The following PABPC4L variants were observed in gnomAD, a reference collection of about 807,000 sequenced individuals.
The protein encoded by PABPC4L is poly(A) binding protein cytoplasmic 4 like, also known as polyadenylate-binding protein 4-like.
For missense variants in PABPC4L, 452 were observed against 451.4 expected, an observed-to-expected ratio of 1.00 and a Z score of -0.01; for synonymous variants, 169 against 164.1, an observed-to-expected ratio of 1.03 and a Z score of -0.23.
chr4:134,053,945 C>T, the PABPC4L span, among the ~76,000 whole-genome samples: 24 of 151,708 alleles, frequency 1.6e-4, no homozygotes, highest in Non-Finnish European at 2.5e-4. Flanking sequence ...ATGATATCCA[C>T]ACAAAGAACC....
At chr4:134,076,249 G>C in the PABPC4L span, among the ~76,000 whole-genome samples, 4 of 152,138 alleles carry the variant, frequency 2.6e-5, no homozygotes, top group African/African-American at 7.2e-5. Context: ...CTGATGACTG[G>C]AGTTGCAACA....
At chr4:134,139,106 C>T in the PABPC4L span, among the ~76,000 whole-genome samples, 1 of 151,934 alleles carries the variant, frequency 6.6e-6, no homozygotes, top group African/African-American at 2.4e-5. Context: ...CAAATACACT[C>T]TTCTTAGAAT....
At chr4:134,152,210 CT>C in the PABPC4L span, among the ~76,000 whole-genome samples, 1 of 151,746 alleles carries the variant, frequency 6.6e-6, no homozygotes, top group African/African-American at 2.4e-5. Flanking sequence ...GTTGTTTAAG[CT>C]TTTAGCTTCT....
the PABPC4L span, among the ~76,000 whole-genome samples, chr4:133,956,996 G>A: frequency 6.6e-6 from 1 of 152,086 alleles, no homozygotes; most frequent in African/African-American, 2.4e-5. Flanking sequence ...ATTTGGGTGG[G>A]GACACAATCA....
chr4:134,074,510 A>G, the PABPC4L span, among the ~76,000 whole-genome samples: 1 of 152,100 alleles, frequency 6.6e-6, no homozygotes, highest in South Asian at 2.1e-4. Flanking sequence ...TGAGCCCCCA[A>G]AACTGTCCTA....
chr4:133,992,507 G>C, the PABPC4L span, among the ~76,000 whole-genome samples: 1 of 152,116 alleles, frequency 6.6e-6, no homozygotes, highest in South Asian at 2.1e-4. Context: ...GTGATATGTA[G>C]TTTTACCTGG....
chr4:133,983,502 G>T, the PABPC4L span, among the ~76,000 whole-genome samples: 1 of 151,534 alleles, frequency 6.6e-6, no homozygotes, highest in Non-Finnish European at 1.5e-5. Flanking sequence ...AAACAAGAAA[G>T]AAATAATAAC....
the PABPC4L span, among the ~76,000 whole-genome samples, chr4:134,019,088 T>G: frequency 6.6e-6 from 1 of 152,120 alleles, no homozygotes; most frequent in Admixed American, 6.6e-5. Context: ...ATCCTTCCAT[T>G]GAAACAACAT....
At chr4:134,070,501 A>G in the PABPC4L span, among the ~76,000 whole-genome samples, 3 of 152,140 alleles carry the variant, frequency 2.0e-5, no homozygotes, top group East Asian at 3.9e-4. Context: ...TTGTCAGTGC[A>G]ACAGCAATGG....
At position 134,198,847 on chromosome 4, in the gene PABPC4L, A is replaced by C. The variant is rs1254316709; in HGVS notation, c.*1060T>G. On this transcript the variant is annotated 3_prime_UTR_variant, in exon 2 of 2. Transcript: ENST00000421491. ...GTGATGTAACTTCAATTCATCAGAAAATCAATCAGTGTTTCTGATCAATGA... is the reference window on the plus strand; with the variant it reads ...GTGATGTAACTTCAATTCATCAGAACATCAATCAGTGTTTCTGATCAATGA... 6.6e-6 allele frequency: 1 copy of C among 152,008 alleles called. No individual in the cohort carries two copies. Among genetic ancestry groups the C allele is most frequent in the Non-Finnish European group, 1.5e-5 (1 of 67,874 alleles). The allele number at this position is 152,008 out of a possible 1,614,324, so 9.4% of individuals were successfully genotyped here.
chr4:134,154,356 T>C, the PABPC4L span, among the ~76,000 whole-genome samples: 1 of 152,136 alleles, frequency 6.6e-6, no homozygotes, highest in Admixed American at 6.5e-5. Context: ...CTTGGGAGGC[T>C]GAGGCACGAG....
Position 134,197,816 on chromosome 4 carries a change from T to C in PABPC4L, c.*2091A>G, listed in dbSNP as rs1729713221. 5.3e-5 allele frequency: 8 copies of C among 151,904 alleles called. No homozygotes were observed. The South Asian group carries it at 1.7e-3, about 31-fold the overall frequency. The allele number at this position is 151,904 out of a possible 1,614,324, so 9.4% of individuals were successfully genotyped here. ...AAAAACCCTTGTTTCTTGGAGCATA[T>C]GGAAATAGGCATTCTCCTACAATGA... On this transcript the variant is annotated 3_prime_UTR_variant, in exon 2 of 2. Coordinates refer to ENST00000421491, the MANE Select transcript of PABPC4L (RefSeq NM_001114734.2).
chr4:134,114,714 C>A, the PABPC4L span, among the ~76,000 whole-genome samples: 1 of 151,746 alleles, frequency 6.6e-6, no homozygotes, highest in Admixed American at 6.6e-5. Flanking sequence ...CTCACAAAAC[C>A]TATTCAAACT....
chr4:134,101,065 C>T, the PABPC4L span, among the ~76,000 whole-genome samples: 1 of 151,368 alleles, frequency 6.6e-6, no homozygotes, highest in Non-Finnish European at 1.5e-5. Flanking sequence ...ATCAGCTTGG[C>T]AATCTATATT....
chr4:134,082,604 A>T, the PABPC4L span, among the ~76,000 whole-genome samples: 1 of 152,140 alleles, frequency 6.6e-6, no homozygotes, highest in East Asian at 1.9e-4. Flanking sequence ...TAAATATAAA[A>T]ACTAAGAAGA....
chr4:134,150,408 C>T, the PABPC4L span, among the ~76,000 whole-genome samples: 9 of 151,960 alleles, frequency 5.9e-5, no homozygotes, highest in Non-Finnish European at 1.0e-4. Context: ...TTTAGCAATG[C>T]TATAATTAAT....
the PABPC4L span, among the ~76,000 whole-genome samples, chr4:134,001,370 G>C: frequency 3.3e-5 from 5 of 152,042 alleles, no homozygotes; most frequent in African/African-American, 1.2e-4. Flanking sequence ...CTCACAGAAA[G>C]AATGAGCTAA....
chr4:134,006,265 T>G, the PABPC4L span, among the ~76,000 whole-genome samples: 3 of 151,832 alleles, frequency 2.0e-5, no homozygotes, highest in Admixed American at 6.6e-5. Flanking sequence ...ATTTTTTTTC[T>G]GTTTTTAAGC....
At chr4:134,058,270 G>C in the PABPC4L span, among the ~76,000 whole-genome samples, 3 of 151,956 alleles carry the variant, frequency 2.0e-5, no homozygotes, top group Admixed American at 2.0e-4. Context: ...AAGAAAAATA[G>C]ATTTGTTGTT....
Sources: allele counts gnomAD v4.1 joint callset (sites outside exome capture counted in the v4.1 genomes callset), GRCh38; gene constraint gnomAD v4.1.1; transcripts MANE v1.5; gene names NCBI Gene and HGNC (gene_info 2026-07-23, HGNC 2026-07-21).